PTPRG: variants seen among roughly 807,000 people sequenced by gnomAD.
PTPRG encodes protein tyrosine phosphatase receptor type G.
In PTPRG, 102 loss-of-function variants were observed where a neutral mutation model predicts 165.3. The ratio of observed to expected loss-of-function variants is 0.62; its 90% CI spans 0.53 to 0.73. The LOEUF is 0.73. Among genes scored for constraint, PTPRG ranks in the 30% least tolerant of loss-of-function variants. PTPRG has a pLI of 0.00. For missense variants in PTPRG, 1,866 were observed against 1,861.4 expected (o/e 1.00, Z -0.05); for synonymous variants, 675 against 669.5 (o/e 1.01, Z -0.13).
chr3:62,155,823 G>C (rs924516599), intron 6 of PTPRG, among the ~76,000 whole-genome samples: 2 of 152,050 alleles, frequency 1.3e-5, no homozygotes, highest in African/African-American at 2.4e-5. Context: ...GGAAGGAGGA[G>C]GTATGAGGCT....
chr3:61,635,950 A>T (rs1294767244), intron 1 of PTPRG, among the ~76,000 whole-genome samples: 2 of 152,196 alleles, frequency 1.3e-5, no homozygotes, highest in Non-Finnish European at 2.9e-5. Context: ...AGAATCTGTG[A>T]AATTAGTAGT....
At position 62,063,306 on chromosome 3, in the gene PTPRG, A is replaced by G. The variant is rs549548808; in HGVS notation, c.520-14857A>G. Among the ~76,000 whole-genome samples the G allele has an allele frequency of 9.2e-5, 14 of 152,352 alleles. No individual in the cohort carries two copies. The East Asian group carries it at 2.5e-3, about 27-fold the overall frequency. On this transcript the variant is annotated intron_variant, in intron 4 of 29. Coordinates refer to ENST00000474889, the MANE Select transcript of PTPRG (RefSeq NM_002841.4). ...ATTTTGAACTATGATCAAAGCTACAATGGTGGCAGCCCACTGTTCTTTTTA... is the reference window on the plus strand; with the variant it reads ...ATTTTGAACTATGATCAAAGCTACAGTGGTGGCAGCCCACTGTTCTTTTTA...
At chr3:61,981,904 A>G (rs995774634) in intron 2 of PTPRG, among the ~76,000 whole-genome samples, 11 of 152,206 alleles carry the variant, frequency 7.2e-5, no homozygotes, top group African/African-American at 2.4e-4. Context: ...CTAGAAAGGT[A>G]TTGCTCATTA....
At chr3:62,192,031 G>A (rs564442063) in intron 9 of PTPRG, among the ~76,000 whole-genome samples, 1 of 152,264 alleles carries the variant, frequency 6.6e-6, no homozygotes, top group Non-Finnish European at 1.5e-5. Flanking sequence ...CTATATAACT[G>A]TATAAATATT....
At chr3:61,676,342 A>G (rs914841879) in intron 1 of PTPRG, among the ~76,000 whole-genome samples, 5 of 149,928 alleles carry the variant, frequency 3.3e-5, no homozygotes, top group Non-Finnish European at 7.4e-5. Flanking sequence ...GTGAAATCCC[A>G]GCTACTCGGG....
chr3:61,668,469 CA>C (rs1280855628), intron 1 of PTPRG, among the ~76,000 whole-genome samples: 2 of 152,200 alleles, frequency 1.3e-5, no homozygotes, highest in Non-Finnish European at 2.9e-5. Flanking sequence ...TTTTCTGCAA[CA>C]GCTTCAGAAT....
intron 1 of PTPRG, among the ~76,000 whole-genome samples, chr3:61,607,328 T>G (rs1701039184): frequency 6.6e-6 from 1 of 152,200 alleles, no homozygotes; most frequent in Non-Finnish European, 1.5e-5. Context: ...GAGTATCCTT[T>G]AAATACTTAG....
chr3:61,598,556 G>A (rs1559518167), intron 1 of PTPRG, among the ~76,000 whole-genome samples: 1 of 152,158 alleles, frequency 6.6e-6, no homozygotes, highest in Admixed American at 6.5e-5. Context: ...GTGTGACTCC[G>A]CTTAGAGTCG....
At chr3:61,945,168 A>G (rs1357059996) in intron 2 of PTPRG, among the ~76,000 whole-genome samples, 1 of 152,166 alleles carries the variant, frequency 6.6e-6, no homozygotes, top group South Asian at 2.1e-4. Flanking sequence ...CTTGGCCAAC[A>G]AATTGTAAGC....
chr3:61,592,029 A>G (rs11915138), intron 1 of PTPRG, among the ~76,000 whole-genome samples: 5 of 151,870 alleles, frequency 3.3e-5, no homozygotes, highest in South Asian at 2.1e-4. Context: ...GCTGGAGTCA[A>G]CGGCATGATC....
In PTPRG at chr3:62,267,623, A is replaced by T. The variant is rs372870438; in HGVS notation, c.2740-62A>T. 935 of 1,577,500 alleles carry T rather than the reference A, an allele frequency of 5.9e-4. 6 individuals carry two copies. The African/African-American group carries it at 0.011, about 19-fold the overall frequency. Reference sequence around the variant, plus strand: ...CCCATTCAATATGGAAGGCATTTGAATTATTGACTGGTCTTCTGTGATAAC... The same window carrying T: ...CCCATTCAATATGGAAGGCATTTGATTTATTGACTGGTCTTCTGTGATAAC... On this transcript the variant is annotated intron_variant, in intron 18 of 29. Transcript: ENST00000474889.
At position 61,962,199 on chromosome 3, in the gene PTPRG, T is replaced by C. The variant is rs555114736; in HGVS notation, c.191-27426T>C. ...GTGTCTCTAAGAATATGTTTAACAT[T>C]GTGGAAGACTGTTGACAGCTGTGTT... On this transcript the variant is annotated intron_variant, in intron 2 of 29. Coordinates refer to ENST00000474889, the MANE Select transcript of PTPRG (RefSeq NM_002841.4). Among the ~76,000 whole-genome samples, 3 of 152,320 alleles carry C rather than the reference T, an allele frequency of 2.0e-5. No individual in the cohort carries two copies. The East Asian group carries it at 5.8e-4, about 29-fold the overall frequency.
chr3:62,067,289 G>A (rs1268544733), intron 4 of PTPRG, among the ~76,000 whole-genome samples: 1 of 149,636 alleles, frequency 6.7e-6, no homozygotes, highest in Non-Finnish European at 1.5e-5. Context: ...AACCTCCAAA[G>A]CGTGAGTAGG....
chr3:61,887,030 G>A (rs868093038), intron 2 of PTPRG, among the ~76,000 whole-genome samples: 2 of 149,780 alleles, frequency 1.3e-5, no homozygotes, highest in African/African-American at 2.5e-5. Context: ...TCTTGTGTGC[G>A]CCACTAGTAA....
chr3:61,608,605 T>G lies in PTPRG; in HGVS notation c.85+46233T>G, dbSNP rs114831176. On this transcript the variant is annotated intron_variant, in intron 1 of 29. Transcript: ENST00000474889. ...AAGGGAAGGGAAGCACCTGGATTCT[T>G]GTTCGACTTCTTTGAGCTGCTCAAT... is the stretch of plus-strand genomic sequence containing the variant. 7.5e-3 allele frequency among the ~76,000 whole-genome samples: 1,143 copies of G among 152,322 alleles called. 10 individuals are homozygous for G. The highest frequency in any genetic ancestry group is 0.025 in the African/African-American group (1,039 of 41,564).
intron 17 of PTPRG, among the ~76,000 whole-genome samples, chr3:62,267,063 T>C (rs1302069403): frequency 1.3e-5 from 2 of 152,032 alleles, no homozygotes; most frequent in African/African-American, 2.4e-5. Flanking sequence ...CACCCTTTTA[T>C]ATTTGTATTA....
intron 28 of PTPRG, among the ~76,000 whole-genome samples, chr3:62,285,039 A>G (rs1324533245): frequency 6.6e-6 from 1 of 151,880 alleles, no homozygotes; most frequent in African/African-American, 2.4e-5. Flanking sequence ...TAACATGACA[A>G]CCATACCAGA....
intron 2 of PTPRG, among the ~76,000 whole-genome samples, chr3:61,784,182 G>C (rs1292744073): frequency 6.6e-6 from 1 of 152,150 alleles, no homozygotes; most frequent in Non-Finnish European, 1.5e-5. Flanking sequence ...GTGAATAATT[G>C]GTGATGTCAG....
At chr3:61,763,579 C>T (rs1379583743) in intron 2 of PTPRG, among the ~76,000 whole-genome samples, 5 of 150,622 alleles carry the variant, frequency 3.3e-5, no homozygotes, top group Admixed American at 1.3e-4. Context: ...CCATGTTGGC[C>T]AGGCTGCTCT....
Sources: gnomAD v4.1 joint callset for allele counts (sites outside exome capture counted in the v4.1 genomes callset) on GRCh38, gnomAD v4.1.1 for gene constraint, MANE v1.5 for transcripts, NCBI Gene and HGNC (gene_info 2026-07-23, HGNC 2026-07-21) for gene names.